Variants in FAM168A observed in about 807,000 individuals in gnomAD.
The protein encoded by FAM168A is protein FAM168A.
Under a neutral mutation model 28.5 loss-of-function variants are expected in FAM168A, and 3 were observed. The observed-to-expected ratio is 0.11, with a 90% CI of 0.05 to 0.27. FAM168A has a LOEUF of 0.27. Among genes scored for constraint, FAM168A ranks in the 10% least tolerant of loss-of-function variants. FAM168A has a pLI of 1.00. For missense variants in FAM168A, 222 were observed against 311.5 expected (o/e 0.71, Z 2.16); for synonymous variants, 122 against 124.2 (o/e 0.98, Z 0.12).
chr11:73,429,901 C>G (rs1358360726), intron 3 of FAM168A, among the ~76,000 whole-genome samples: 1 of 152,212 alleles, frequency 6.6e-6, no homozygotes, highest in Non-Finnish European at 1.5e-5. Context: ...AAACCATCCA[C>G]AACCCTGAGG....
At chr11:73,574,532 C>G (rs1398028311) in intron 1 of FAM168A, among the ~76,000 whole-genome samples, 3 of 152,142 alleles carry the variant, frequency 2.0e-5, no homozygotes, top group Non-Finnish European at 4.4e-5. Context: ...AACAGCATCA[C>G]ATGAAAATAT....
intron 1 of FAM168A, among the ~76,000 whole-genome samples, chr11:73,567,324 G>A (rs773122245): frequency 1.3e-5 from 2 of 152,046 alleles, no homozygotes; most frequent in Non-Finnish European, 2.9e-5. Context: ...AAGAGAAGAA[G>A]GTATGGAGGG....
intron 1 of FAM168A, chr11:73,510,710 G>GA (rs1355810777): frequency 1.1e-5 from 4 of 368,812 alleles, no homozygotes; most frequent in Non-Finnish European, 1.9e-5. Flanking sequence ...TATTACTCCG[G>GA]AAAAAAAGAA....
chr11:73,555,633 G>A (rs557417377), intron 1 of FAM168A, among the ~76,000 whole-genome samples: 2 of 151,686 alleles, frequency 1.3e-5, no homozygotes, highest in Middle Eastern at 3.4e-3. Flanking sequence ...GCTTGAACCC[G>A]GGAGGCAGCG....
intron 1 of FAM168A, among the ~76,000 whole-genome samples, chr11:73,572,353 C>T (rs1355940733): frequency 6.6e-6 from 1 of 152,214 alleles, no homozygotes; most frequent in African/African-American, 2.4e-5. Context: ...CTCTGCCCAG[C>T]TACCACCCCG....
intron 2 of FAM168A, among the ~76,000 whole-genome samples, chr11:73,449,747 G>A (rs1308748289): frequency 6.6e-6 from 1 of 152,224 alleles, no homozygotes; most frequent in Non-Finnish European, 1.5e-5. Context: ...TAAGGCAACA[G>A]AGTCCAATGA....
At chr11:73,413,386 CTG>C (rs1490875301) in intron 4 of FAM168A, among the ~76,000 whole-genome samples, 1 of 152,178 alleles carries the variant, frequency 6.6e-6, no homozygotes, top group African/African-American at 2.4e-5. Context: ...TAGAAACTAA[CTG>C]GAAGTGCAAC....
At chr11:73,513,030 G>A (rs547468573) in intron 1 of FAM168A, among the ~76,000 whole-genome samples, 4 of 152,094 alleles carry the variant, frequency 2.6e-5, no homozygotes, top group East Asian at 1.9e-4. Context: ...AACATCTGCC[G>A]TAAAGTAGTC....
intron 4 of FAM168A, among the ~76,000 whole-genome samples, chr11:73,413,642 G>T (rs1866652964): frequency 6.6e-6 from 1 of 152,204 alleles, no homozygotes; most frequent in African/African-American, 2.4e-5. Context: ...ACGTACTATA[G>T]ATCCCAAGGG....
At chr11:73,446,045 T>C (rs902628706) in intron 2 of FAM168A, among the ~76,000 whole-genome samples, 2 of 152,200 alleles carry the variant, frequency 1.3e-5, no homozygotes, top group Non-Finnish European at 2.9e-5. Flanking sequence ...ATTTTATTTT[T>C]TCCTTTTAAC....
At chr11:73,475,575 C>T (rs78728010) in intron 1 of FAM168A, among the ~76,000 whole-genome samples, 12,536 of 151,898 alleles carry the variant, frequency 0.083, 1,571 homozygotes, top group African/African-American at 0.27. Flanking sequence ...GGAGGTGGAA[C>T]TTCTGGAACA....
intron 1 of FAM168A, among the ~76,000 whole-genome samples, chr11:73,532,304 C>T (rs1486165771): frequency 1.3e-5 from 2 of 152,110 alleles, no homozygotes; most frequent in Non-Finnish European, 2.9e-5. Flanking sequence ...ACCTACCCCA[C>T]CCCTGCCCAG....
intron 1 of FAM168A, among the ~76,000 whole-genome samples, chr11:73,576,756 G>A (rs4944842): frequency 2.0e-5 from 3 of 152,108 alleles, no homozygotes; most frequent in Admixed American, 6.5e-5. Flanking sequence ...ACCCAGGAGG[G>A]AAGAATCTGA....
chr11:73,407,693 A>C, intron 6 of FAM168A, 50 bp from the exon 7 acceptor site: 1 of 1,428,478 alleles, frequency 7.0e-7, no homozygotes, highest in East Asian at 2.4e-5. Flanking sequence ...CACCAGACAC[A>C]GGAATGAAGA....
intron 1 of FAM168A, among the ~76,000 whole-genome samples, chr11:73,535,274 G>T (rs1943562591): frequency 6.6e-6 from 1 of 151,822 alleles, no homozygotes; most frequent in South Asian, 2.1e-4. Context: ...TAATTTGGGA[G>T]AATCACACAA....
At chr11:73,432,651 T>C (rs1867015776) in intron 2 of FAM168A, among the ~76,000 whole-genome samples, 2 of 152,146 alleles carry the variant, frequency 1.3e-5, no homozygotes, top group African/African-American at 4.8e-5. Flanking sequence ...CGGTGGCTCA[T>C]GCCTGTAATC....
intron 1 of FAM168A, among the ~76,000 whole-genome samples, chr11:73,541,849 A>C (rs1348748888): frequency 6.6e-6 from 1 of 152,180 alleles, no homozygotes; most frequent in African/African-American, 2.4e-5. Flanking sequence ...CAATCTACTT[A>C]AGCCCTTCAC....
Position 73,507,526 on chromosome 11 carries a change from CT to C in FAM168A, c.-18-39035del, listed in dbSNP as rs1463726121. Among the ~76,000 whole-genome samples, 4 of 151,960 alleles carry C rather than the reference CT, an allele frequency of 2.6e-5. No homozygotes were observed. The East Asian group carries it at 7.7e-4, about 29-fold the overall frequency. On this transcript the variant is annotated intron_variant, in intron 1 of 7. Transcript: ENST00000356467. The stretch of plus-strand genomic sequence containing the variant: ...GGACCCAAAAAATAACTATTGGGTA[CT>C]GGGGCTTAATACCTGGATGATGAAA...
chr11:73,565,552 A>G (rs1008123715), intron 1 of FAM168A, among the ~76,000 whole-genome samples: 2 of 148,190 alleles, frequency 1.3e-5, no homozygotes, highest in Non-Finnish European at 2.9e-5. Context: ...GGGAAACATT[A>G]TAATACCTTT....
Sources: gnomAD v4.1 joint callset for allele counts (sites outside exome capture counted in the v4.1 genomes callset) on GRCh38, gnomAD v4.1.1 for gene constraint, MANE v1.5 for transcripts, NCBI Gene and HGNC (gene_info 2026-07-23, HGNC 2026-07-21) for gene names.